IFNG: variants seen among roughly 807,000 people sequenced by gnomAD.
IFNG encodes the protein interferon gamma, also known as IFN-gamma.
In IFNG, 8 loss-of-function variants were observed where a neutral mutation model predicts 14.4. That is an observed-to-expected ratio of 0.56 (90% CI 0.33 to 1.00). The LOEUF (loss-of-function observed/expected upper bound fraction) is 1.00, where lower values mean the gene tolerates loss of function less well. IFNG is among the 50% of genes least tolerant of loss of function. IFNG has a pLI of 0.03. For synonymous variants in IFNG, 73 were observed against 65.4 expected (o/e 1.12, Z -0.56); for missense variants, 132 against 194.9 (o/e 0.68, Z 1.92).
chr12:68,159,544 C>T lies in IFNG; in HGVS notation c.72G>A (p.Gln24=). 1 of 1,603,270 alleles carries T rather than the reference C, an allele frequency of 6.2e-7. No homozygotes were observed. Among genetic ancestry groups the T allele is most frequent in the Non-Finnish European group, 8.5e-7 (1 of 1,172,258 alleles). Residue 24 remains glutamine (Q), a synonymous_variant, in exon 1 of 4, where the codon CAG becomes CAA. Transcript: ENST00000229135. The part of the protein sequence containing the change: ...IVLGSLGCYC[Q]DPYVKEAENL... The stretch of plus-strand genomic sequence containing the variant: ...TTTCTGCTTCTTTTACATATGGGTC[C>T]TGGCAGTAACAGCCAAGAGAACCCA...
At chr12:68,157,668 A>G (rs1882621278) in intron 3 of IFNG, among the ~76,000 whole-genome samples, 1 of 152,174 alleles carries the variant, frequency 6.6e-6, no homozygotes, top group South Asian at 2.1e-4. Flanking sequence ...TGGATTTGTC[A>G]ACTCACCTGT....
rs1331183850 is a variant in IFNG, at chr12:68,154,981, T to C, written c.*372A>G. ...AGCACTGGCTCAGATTGCAGGCATA[T>C]TTTCAAACCGGCAGTAACTGGATAG... On this transcript the variant is annotated 3_prime_UTR_variant, in exon 4 of 4. Transcript: ENST00000229135. 1 of 154,178 alleles carries C rather than the reference T, an allele frequency of 6.5e-6. No homozygotes were observed. The highest frequency in any genetic ancestry group is 1.4e-5 in the Non-Finnish European group (1 of 69,072). The allele number at this position is 154,178 out of a possible 1,614,324, so 9.6% of individuals were successfully genotyped here. A position where few individuals can be genotyped will look rare whatever the true frequency, so the allele number is the denominator to read the frequency against.
At chr12:68,155,555 A>G in intron 3 of IFNG, 68 bp from the exon 4 acceptor site, 3 of 1,423,254 alleles carry the variant, frequency 2.1e-6, no homozygotes, top group Non-Finnish European at 2.9e-6. Context: ...TGCTAATGTC[A>G]TGATGGTCAG....
At chr12:68,158,700 TCC>T (rs1431148714) in intron 1 of IFNG, among the ~76,000 whole-genome samples, 1 of 144,618 alleles carries the variant, frequency 6.9e-6, no homozygotes, top group Non-Finnish European at 1.5e-5. Flanking sequence ...AAAAGATAGT[TCC>T]AAACATGTGC....
intron 1 of IFNG, 96 bp from the exon 2 acceptor site, chr12:68,158,355 T>G: frequency 1.2e-6 from 1 of 802,560 alleles, no homozygotes; most frequent in Non-Finnish European, 2.0e-6. Flanking sequence ...GTGACAATAT[T>G]CACTGATTTC....
chr12:68,159,048 C>T (rs893128940), intron 1 of IFNG, among the ~76,000 whole-genome samples: 9 of 152,114 alleles, frequency 5.9e-5, no homozygotes, highest in Admixed American at 5.9e-4. Context: ...AATCACCTAT[C>T]AGTTATTTTT....
At chr12:68,159,162 A>G (rs1882648201) in intron 1 of IFNG, among the ~76,000 whole-genome samples, 2 of 152,204 alleles carry the variant, frequency 1.3e-5, no homozygotes, top group African/African-American at 4.8e-5. Context: ...TCAAAAACTA[A>G]TAACCAATCA....
In IFNG at chr12:68,155,160, T is replaced by A. The variant is rs968871820; in HGVS notation, c.*193A>T. 5.7e-5 allele frequency: 21 copies of A among 371,034 alleles called. No homozygotes were observed. The highest frequency in any genetic ancestry group is 4.0e-4 in the African/African-American group (19 of 47,080). The allele number at this position is 371,034 out of a possible 1,614,324, so 23.0% of individuals were successfully genotyped here. A position where few individuals can be genotyped will look rare whatever the true frequency, so the allele number is the denominator to read the frequency against. On this transcript the variant is annotated 3_prime_UTR_variant, in exon 4 of 4. Transcript: ENST00000229135. Reference sequence around the variant, plus strand: ...ATTAGTCAGAAAACAAAGGATTAAGTGAGACAGTCACAGGATATAGGAATT... The same window carrying A: ...ATTAGTCAGAAAACAAAGGATTAAGAGAGACAGTCACAGGATATAGGAATT...
intron 2 of IFNG, 46 bp from the exon 3 acceptor site, chr12:68,158,141 T>C: frequency 6.3e-7 from 1 of 1,595,262 alleles, no homozygotes; most frequent in Non-Finnish European, 8.5e-7. Context: ...AATTTATCCA[T>C]CAGAAAGCAA....
chr12:68,159,115 CT>C (rs1357337138), intron 1 of IFNG, among the ~76,000 whole-genome samples: 1 of 152,028 alleles, frequency 6.6e-6, no homozygotes, highest in Non-Finnish European at 1.5e-5. Context: ...TTCCTATTAC[CT>C]TTTTAATGCT....
At chr12:68,159,365 A>G in intron 1 of IFNG, 137 bp downstream of exon 1, 1 of 573,262 alleles carries the variant, frequency 1.7e-6, no homozygotes. Flanking sequence ...GAACTCATCT[A>G]GTCAATAATT....
At chr12:68,155,930 C>T (rs2069720) in intron 3 of IFNG, among the ~76,000 whole-genome samples, 1,708 of 152,252 alleles carry the variant, frequency 0.011, 43 homozygotes, top group African/African-American at 0.039. Context: ...TTCAGTCTTT[C>T]CTGTATGCAT....
intron 3 of IFNG, 41 bp downstream of exon 3, chr12:68,157,872 C>G: frequency 7.0e-7 from 1 of 1,430,832 alleles, no homozygotes; most frequent in Non-Finnish European, 9.6e-7. Flanking sequence ...TTTGCAAGAC[C>G]CTCGGCAATG....
At chr12:68,158,673 A>G (rs1048393127) in intron 1 of IFNG, among the ~76,000 whole-genome samples, 1 of 151,752 alleles carries the variant, frequency 6.6e-6, no homozygotes, top group Non-Finnish European at 1.5e-5. Flanking sequence ...CCTGTAGGGT[A>G]TTATTATACG....
Position 68,155,354 on chromosome 12 carries a change from T to C in IFNG, c.500A>G (p.Ter167=). The part of the protein sequence containing the change: ...MLFRGRRASQ[*] ...CAAATATTGCAGGCAGGACAACCAT[T>C]ACTGGGATGCTCTTCGACCTCGAAA... is the stretch of plus-strand genomic sequence containing the variant. Residue 167 remains the stop codon, a stop_retained_variant, in exon 4 of 4, where the codon TAA becomes TGA. Coordinates refer to ENST00000229135, the MANE Select transcript of IFNG (RefSeq NM_000619.3). The C allele has an allele frequency of 1.2e-6, 2 of 1,604,574 alleles. No individual in the cohort carries two copies. Among genetic ancestry groups the C allele is most frequent in the Non-Finnish European group, 1.7e-6 (2 of 1,174,868 alleles).
chr12:68,156,085 C>T (rs1882596542), intron 3 of IFNG, among the ~76,000 whole-genome samples: 1 of 152,178 alleles, frequency 6.6e-6, no homozygotes, highest in Admixed American at 6.6e-5. Flanking sequence ...GTGATTCTGA[C>T]ATCCACCTAA....
Position 68,158,192 on chromosome 12 carries a change from T to C in IFNG, c.182A>G (p.Glu61Gly). The change falls in exon 2 of 4, where the codon GAG becomes GGG. Residue 61 changes from glutamate (E) to glycine (G), a missense_variant and splice_region_variant. Transcript: ENST00000229135. Reference protein sequence around the residue: ...LFLGILKNWKEESDRKIMQSQ... With the variant: ...LFLGILKNWKGESDRKIMQSQ... The stretch of plus-strand genomic sequence containing the variant: ...GCCAAATGGGAATATTCAGCTTACC[T>C]CTTTCCAATTCTTCAAAATGCCTAA... 6.2e-7 allele frequency: 1 copy of C among 1,609,334 alleles called. No homozygotes were observed. Among genetic ancestry groups the C allele is most frequent in the Non-Finnish European group, 8.5e-7 (1 of 1,177,990 alleles).
Position 68,155,560 on chromosome 12 carries a change from G to C in IFNG, c.367-73C>G, listed in dbSNP as rs920946990. The C allele has an allele frequency of 1.5e-5, 20 of 1,378,290 alleles. No individual in the cohort carries two copies. In the African/African-American group the frequency reaches 2.9e-4, roughly 20 times the overall value. 85.4% of individuals were successfully genotyped at this position (1,378,290 alleles called of 1,614,324 possible). ...CAGGATATTCTGCTAATGTCATGAT[G>C]GTCAGTGAAAATAAAAGTATTCCTT... On this transcript the variant is annotated intron_variant, in intron 3 of 3. Transcript: ENST00000229135.
chr12:68,156,681 C>T (rs1347426545), intron 3 of IFNG, among the ~76,000 whole-genome samples: 7 of 151,914 alleles, frequency 4.6e-5, no homozygotes, highest in Non-Finnish European at 7.4e-5. Flanking sequence ...AAAAAATTTT[C>T]GACAAGCTGT....
Sources: allele counts gnomAD v4.1 joint callset (sites outside exome capture counted in the v4.1 genomes callset), GRCh38; gene constraint gnomAD v4.1.1; transcripts MANE v1.5; gene names NCBI Gene and HGNC (gene_info 2026-07-23, HGNC 2026-07-21).